POLR3B: variants seen among roughly 807,000 people sequenced by gnomAD.
The protein encoded by POLR3B is DNA-directed RNA polymerase III subunit RPC2.
Under a neutral mutation model 147.4 loss-of-function variants are expected in POLR3B, and 96 were observed. The observed-to-expected ratio is 0.65, with a 90% CI of 0.55 to 0.77. The LOEUF is 0.77. Among genes scored for constraint, POLR3B ranks in the 30% least tolerant of loss-of-function variants. The pLI, the probability that POLR3B is intolerant of heterozygous loss-of-function variation, is 0.00. For synonymous variants in POLR3B, 461 were observed against 485.9 expected (o/e 0.95, Z 0.67); for missense variants, 1,036 against 1,413.5 (o/e 0.73, Z 4.28).
intron 9 of POLR3B, among the ~76,000 whole-genome samples, chr12:106,383,935 A>G (rs11835357): frequency 0.38 from 57,423 of 150,530 alleles, 12,688 homozygotes; most frequent in African/African-American, 0.61. Flanking sequence ...CCGAGATTGC[A>G]CCACTGCACT....
At chr12:106,477,921 T>G (rs1443401896) in intron 23 of POLR3B, among the ~76,000 whole-genome samples, 6 of 111,212 alleles carry the variant, frequency 5.4e-5, no homozygotes, top group Admixed American at 1.8e-4. Flanking sequence ...TTTTTTTTTT[T>G]GGAGACAGAG....
intron 10 of POLR3B, among the ~76,000 whole-genome samples, chr12:106,405,622 A>AT (rs966450434): frequency 5.3e-5 from 8 of 151,686 alleles, no homozygotes; most frequent in Admixed American, 3.3e-4. Flanking sequence ...ATTTCCTACA[A>AT]TGACAATGTA....
intron 23 of POLR3B, among the ~76,000 whole-genome samples, chr12:106,466,705 G>C (rs2038010425): frequency 6.6e-6 from 1 of 152,170 alleles, no homozygotes; most frequent in African/African-American, 2.4e-5. Flanking sequence ...TTATTAAATA[G>C]GGAATTTTTT....
In POLR3B at chr12:106,357,829, G is replaced by T. The variant is rs2036406092; in HGVS notation, c.-51G>T. On this transcript the variant is annotated 5_prime_UTR_variant, in exon 1 of 28. The change creates a new upstream start codon in the 5' untranslated region. Coordinates refer to ENST00000228347, the MANE Select transcript of POLR3B (RefSeq NM_018082.6). ...GGAGTCTTGCAGTTTGCTTGGTGCAGGGAAGGCGGGCGCGGAGGTTCTATC... is the reference window on the plus strand; with the variant it reads ...GGAGTCTTGCAGTTTGCTTGGTGCATGGAAGGCGGGCGCGGAGGTTCTATC... The T allele has an allele frequency of 6.4e-7, 1 of 1,571,162 alleles. No homozygotes were observed. Among genetic ancestry groups the T allele is most frequent in the African/African-American group, 1.3e-5 (1 of 74,284 alleles).
intron 23 of POLR3B, among the ~76,000 whole-genome samples, chr12:106,495,718 T>C (rs1000806856): frequency 3.9e-5 from 6 of 152,150 alleles, no homozygotes; most frequent in African/African-American, 1.4e-4. Context: ...GCTGCTGACT[T>C]AAAGCTTCAG....
intron 12 of POLR3B, among the ~76,000 whole-genome samples, chr12:106,423,607 T>C (rs976504622): frequency 6.6e-6 from 1 of 152,156 alleles, no homozygotes; most frequent in Non-Finnish European, 1.5e-5. Flanking sequence ...GTGTCTCAGC[T>C]CCAGAAGAGA....
intron 15 of POLR3B, among the ~76,000 whole-genome samples, 155 bp from the exon 16 acceptor site, chr12:106,433,564 G>A (rs1180052477): frequency 6.6e-6 from 1 of 152,164 alleles, no homozygotes; most frequent in Non-Finnish European, 1.5e-5. Flanking sequence ...TTCCTTTGTT[G>A]CTTCCCTGCA....
intron 12 of POLR3B, among the ~76,000 whole-genome samples, chr12:106,412,484 A>C (rs989367227): frequency 2.0e-5 from 3 of 152,174 alleles, no homozygotes; most frequent in African/African-American, 7.2e-5. Context: ...GACAGGGATC[A>C]CTGCCTGCCC....
In POLR3B at chr12:106,379,937, G is replaced by A; in HGVS notation, c.615-94G>A. ...ACCTTGTGATTGTTGTTGATCAGTT[G>A]ACCCTTATTGATTAATGATCATTGC... is the stretch of plus-strand genomic sequence containing the variant. On this transcript the variant is annotated intron_variant, in intron 8 of 27. Transcript: ENST00000228347. The A allele has an allele frequency of 4.0e-6, 3 of 752,716 alleles. 1 individual carries two copies. The highest frequency in any genetic ancestry group is 3.4e-5 in the African/African-American group (2 of 58,162). The allele number at this position is 752,716 out of a possible 1,614,324, so 46.6% of individuals were successfully genotyped here.
intron 23 of POLR3B, among the ~76,000 whole-genome samples, chr12:106,481,793 A>C (rs1257070063): frequency 6.6e-6 from 1 of 152,238 alleles, no homozygotes; most frequent in Non-Finnish European, 1.5e-5. Flanking sequence ...GTGAATATTC[A>C]GCACAAGAAT....
At chr12:106,458,838 A>C (rs2037897355) in intron 21 of POLR3B, among the ~76,000 whole-genome samples, 1 of 152,178 alleles carries the variant, frequency 6.6e-6, no homozygotes, top group Non-Finnish European at 1.5e-5. Context: ...CCAAAGAAAT[A>C]TTTTGATTTC....
chr12:106,483,231 T>C (rs948442233), intron 23 of POLR3B, among the ~76,000 whole-genome samples: 2 of 152,180 alleles, frequency 1.3e-5, no homozygotes, highest in South Asian at 2.1e-4. Flanking sequence ...AAAATCCCCA[T>C]ATAAGTGGAC....
At chr12:106,435,019 A>G (rs903226116) in intron 16 of POLR3B, among the ~76,000 whole-genome samples, 8 of 152,292 alleles carry the variant, frequency 5.3e-5, no homozygotes, top group African/African-American at 1.4e-4. Context: ...GCTACATGCA[A>G]GAGACTGCCT....
At chr12:106,359,330 T>G (rs2036433329) in intron 1 of POLR3B, among the ~76,000 whole-genome samples, 1 of 93,142 alleles carries the variant, frequency 1.1e-5, no homozygotes, top group Admixed American at 1.4e-4. Flanking sequence ...CAGGCAAAAC[T>G]ATTTTTTTTT....
chr12:106,474,922 C>T (rs12424939), intron 23 of POLR3B, among the ~76,000 whole-genome samples: 47,655 of 135,700 alleles, frequency 0.35, 9,906 homozygotes, highest in African/African-American at 0.6. Flanking sequence ...TGAATGTGTT[C>T]GCTCTTGCTT....
intron 9 of POLR3B, among the ~76,000 whole-genome samples, chr12:106,391,238 G>A (rs752917548): frequency 4.6e-5 from 7 of 152,152 alleles, no homozygotes; most frequent in African/African-American, 9.7e-5. Flanking sequence ...CAGACTGCTT[G>A]TGTGTTTCCA....
At chr12:106,420,131 G>C (rs2037356011) in intron 12 of POLR3B, among the ~76,000 whole-genome samples, 1 of 152,098 alleles carries the variant, frequency 6.6e-6, no homozygotes, top group Admixed American at 6.6e-5. Flanking sequence ...TGACCTTAGT[G>C]ACCTAGACTG....
At chr12:106,434,681 T>C (rs115717731) in intron 16 of POLR3B, among the ~76,000 whole-genome samples, 2,464 of 152,138 alleles carry the variant, frequency 0.016, 66 homozygotes, top group African/African-American at 0.056. Flanking sequence ...ACCGTAGTTA[T>C]TCTGTGTATA....
chr12:106,461,427 A>G (rs2137034594), intron 22 of POLR3B, among the ~76,000 whole-genome samples: 2 of 152,298 alleles, frequency 1.3e-5, no homozygotes, highest in South Asian at 4.1e-4. Context: ...TATGCCAGGA[A>G]CTATTCCAGG....
Sources: allele counts gnomAD v4.1 joint callset (sites outside exome capture counted in the v4.1 genomes callset), GRCh38; gene constraint gnomAD v4.1.1; transcripts MANE v1.5; gene names NCBI Gene and HGNC (gene_info 2026-07-23, HGNC 2026-07-21).